CCDC86: variants seen among roughly 807,000 people sequenced by gnomAD.
The protein encoded by CCDC86 is coiled-coil domain-containing protein 86.
A neutral mutation model predicts 36.7 loss-of-function variants in CCDC86; 28 were observed. The ratio of observed to expected loss-of-function variants is 0.76; its 90% CI spans 0.57 to 1.05. The LOEUF (loss-of-function observed/expected upper bound fraction) is 1.05. Ranked by LOEUF, CCDC86 falls within the 50% of genes least tolerant of loss-of-function variation. The pLI is 0.00. For missense variants in CCDC86, 453 were observed against 470.2 expected (o/e 0.96, Z 0.34); for synonymous variants, 199 against 203.4 (o/e 0.98, Z 0.18).
intron 3 of CCDC86, 36 bp downstream of exon 3, chr11:60,850,050 C>T (rs748045775): frequency 1.7e-5 from 27 of 1,611,290 alleles, no homozygotes; most frequent in Non-Finnish European, 2.2e-5. Flanking sequence ...CCCTTCTGCC[C>T]CACTTGGGGG....
chr11:60,846,559 G>C (rs1256423810), intron 1 of CCDC86, among the ~76,000 whole-genome samples: 1 of 152,006 alleles, frequency 6.6e-6, no homozygotes, highest in East Asian at 1.9e-4. Context: ...TTGATACTTG[G>C]CTTTTTTTTC....
Position 60,842,170 on chromosome 11 carries a change from C to G in CCDC86, c.46C>G (p.Pro16Ala), listed in dbSNP as rs1366691396. The change falls in exon 1 of 4, where the codon CCC becomes GCC. Residue 16 changes from proline (P) to alanine (A), a missense_variant. By Grantham distance (27) the Pro-to-Ala change is conservative. Transcript: ENST00000227520. ...CAGCCGACGGCTGGGAGGCCTAAGG[C>G]CCGAATCCCCCGAGAGCCTCACCTC... is the stretch of plus-strand genomic sequence containing the variant. Reference protein sequence around the residue: ...RRSRRLGGLRPESPESLTSVS... With the variant: ...RRSRRLGGLRAESPESLTSVS... 6.2e-7 allele frequency: 1 copy of G among 1,609,188 alleles called. No homozygotes were observed. Among genetic ancestry groups the G allele is most frequent in the East Asian group, 2.2e-5 (1 of 44,838 alleles).
At chr11:60,846,243 A>G (rs1424328137) in intron 1 of CCDC86, among the ~76,000 whole-genome samples, 6 of 152,238 alleles carry the variant, frequency 3.9e-5, no homozygotes, top group Admixed American at 3.3e-4. Context: ...GGGGAAGTCC[A>G]TGTGGCACCC....
Position 60,850,277 on chromosome 11 carries a change from G to A in CCDC86, c.1035G>A (p.Leu345=). 2 of 1,614,170 alleles carry A rather than the reference G, an allele frequency of 1.2e-6. No homozygotes were observed. The highest frequency in any genetic ancestry group is 1.7e-6 in the Non-Finnish European group (2 of 1,180,002). ...GCTCCATTGAGAAGCGGGACACCCT[G>A]GCCCTGCTGCAGAAGCAGCCGCCCC... ...QLRSIEKRDT[L]ALLQKQPPQQ... The change falls in exon 4 of 4, where the codon CTG becomes CTA. Residue 345 remains leucine (L), a synonymous_variant. Coordinates refer to ENST00000227520, the MANE Select transcript of CCDC86 (RefSeq NM_024098.4).
At position 60,850,251 on chromosome 11, in the gene CCDC86, C is replaced by T. The variant is rs771726549; in HGVS notation, c.1009C>T (p.Arg337Cys). The change falls in exon 4 of 4, where the codon CGC becomes TGC. Residue 337 changes from arginine to cysteine, a missense_variant. Physicochemically the swap from Arg to Cys is radical, Grantham distance 180. Coordinates refer to ENST00000227520, the MANE Select transcript of CCDC86 (RefSeq NM_024098.4). Reference sequence around the variant, plus strand: ...CAAGCGGGCAAAGAAGAAGCAGCTGCGCTCCATTGAGAAGCGGGACACCCT... The same window carrying T: ...CAAGCGGGCAAAGAAGAAGCAGCTGTGCTCCATTGAGAAGCGGGACACCCT... ...KLKRAKKKQL[R>C]SIEKRDTLAL... 28 of 1,614,218 alleles carry T rather than the reference C, an allele frequency of 1.7e-5. No homozygotes were observed. The highest frequency in any genetic ancestry group is 2.2e-5 in the East Asian group (1 of 44,872).
intron 1 of CCDC86, 162 bp from the exon 2 acceptor site, chr11:60,847,762 C>G: frequency 1.1e-6 from 1 of 918,192 alleles, no homozygotes; most frequent in Non-Finnish European, 1.6e-6. Context: ...TCCCTCCCGC[C>G]CCAAGTTTCT....
In CCDC86 at chr11:60,842,569, G is replaced by GC. The variant is rs756540892; in HGVS notation, c.451dup (p.Gln151ProfsTer44). On this transcript the variant is annotated frameshift_variant, in exon 1 of 4. Transcript: ENST00000227520. LOFTEE classifies it high-confidence loss of function. ...GAATAAGGAGGAGCTGACCCCGGGG[G>GC]CCCCCCAGCATCAGCTACCGCCGGT... 21 of 1,612,776 alleles carry GC rather than the reference G, an allele frequency of 1.3e-5. No homozygotes were observed. Among genetic ancestry groups the GC allele is most frequent in the Non-Finnish European group, 1.4e-5 (16 of 1,179,734 alleles).
At position 60,842,178 on chromosome 11, in the gene CCDC86, C is replaced by T. The variant is rs765841396; in HGVS notation, c.54C>T (p.Ser18=). Residue 18 remains serine, a synonymous_variant, in exon 1 of 4, where the codon TCC becomes TCT. Coordinates refer to ENST00000227520, the MANE Select transcript of CCDC86 (RefSeq NM_024098.4). Reference sequence around the variant, plus strand: ...GGCTGGGAGGCCTAAGGCCCGAATCCCCCGAGAGCCTCACCTCAGTTTCGC... The same window carrying T: ...GGCTGGGAGGCCTAAGGCCCGAATCTCCCGAGAGCCTCACCTCAGTTTCGC... ...SRRLGGLRPE[S]PESLTSVSRT... 5 of 1,610,632 alleles carry T rather than the reference C, an allele frequency of 3.1e-6. No homozygotes were observed. The African/African-American group carries it at 5.3e-5, about 17-fold the overall frequency.
Position 60,847,929 on chromosome 11 carries a change from C to G in CCDC86, c.764C>G (p.Ser255Cys). The G allele has an allele frequency of 1.9e-6, 3 of 1,611,426 alleles. No individual in the cohort carries two copies. The highest frequency in any genetic ancestry group is 1.7e-6 in the Non-Finnish European group (2 of 1,178,404). The change falls in exon 2 of 4, where the codon TCC becomes TGC. Residue 255 changes from serine to cysteine, a missense_variant. Coordinates refer to ENST00000227520, the MANE Select transcript of CCDC86 (RefSeq NM_024098.4). ...VWKDRSKKRFSQMLQDKPLRT... is the reference protein window; with the variant it reads ...VWKDRSKKRFCQMLQDKPLRT... ...ACCCACTCTCCCCCTTTCAGATTCT[C>G]CCAGATGCTTCAGGACAAGCCCCTG...
At chr11:60,847,058 G>A (rs1237593351) in intron 1 of CCDC86, among the ~76,000 whole-genome samples, 1 of 151,846 alleles carries the variant, frequency 6.6e-6, no homozygotes, top group East Asian at 1.9e-4. Flanking sequence ...CTCCAACTGG[G>A]GGAAGAGATT....
intron 2 of CCDC86, among the ~76,000 whole-genome samples, chr11:60,849,318 G>T (rs1002750228): frequency 6.6e-6 from 1 of 152,214 alleles, no homozygotes; most frequent in Non-Finnish European, 1.5e-5. Context: ...TATCTTACGA[G>T]GTAGATACTG....
rs1855142423 is a variant in CCDC86, at chr11:60,842,898, G to A, written c.758+16G>A. ...CCAAGAAAAGGTGAAGTGGGGGACA[G>A]CATGGACAGGGGTGGCGTTCTCTAT... On this transcript the variant is annotated intron_variant, in intron 1 of 3. Coordinates refer to ENST00000227520, the MANE Select transcript of CCDC86 (RefSeq NM_024098.4). 2 of 1,546,094 alleles carry A rather than the reference G, an allele frequency of 1.3e-6. No homozygotes were observed. The highest frequency in any genetic ancestry group is 1.3e-5 in the South Asian group (1 of 79,678).
Position 60,848,065 on chromosome 11 carries a change from G to C in CCDC86, c.888+12G>C, listed in dbSNP as rs941233731. On this transcript the variant is annotated intron_variant, in intron 2 of 3. Transcript: ENST00000227520. The stretch of plus-strand genomic sequence containing the variant: ...AGAGGCGCCGCCAGGTGAGGGGCCA[G>C]CCAGGCTGAGGCTGGGGCTCAGAGG... The C allele has an allele frequency of 8.7e-6, 14 of 1,610,800 alleles. No homozygotes were observed. The Admixed American group carries it at 1.3e-4, about 15-fold the overall frequency.
chr11:60,845,905 G>C (rs1390030800), intron 1 of CCDC86, among the ~76,000 whole-genome samples: 2 of 152,168 alleles, frequency 1.3e-5, no homozygotes, highest in Non-Finnish European at 2.9e-5. Context: ...CAATGGTCTG[G>C]AACTGCCCTG....
intron 1 of CCDC86, among the ~76,000 whole-genome samples, chr11:60,845,093 G>C (rs1364307831): frequency 6.6e-6 from 1 of 152,226 alleles, no homozygotes; most frequent in Non-Finnish European, 1.5e-5. Flanking sequence ...CTGAGCAGAG[G>C]GAGCCGGGCA....
chr11:60,847,746 C>A, intron 1 of CCDC86, 178 bp from the exon 2 acceptor site: 1 of 694,274 alleles, frequency 1.4e-6, no homozygotes, highest in Non-Finnish European at 2.3e-6. Flanking sequence ...CCAGCACGAT[C>A]AGGGTTCCCT....
chr11:60,845,458 CA>C (rs1855171016), intron 1 of CCDC86, among the ~76,000 whole-genome samples: 1 of 152,222 alleles, frequency 6.6e-6, no homozygotes, highest in Admixed American at 6.5e-5. Flanking sequence ...TCCGAAGCTG[CA>C]GGCAAGTCTG....
chr11:60,848,103 T>G, intron 2 of CCDC86, 50 bp downstream of exon 2: 2 of 1,599,706 alleles, frequency 1.3e-6, no homozygotes, highest in Non-Finnish European at 1.7e-6. Flanking sequence ...TAAGCTAGTG[T>G]CTACTGGTAC....
In CCDC86 at chr11:60,847,955, C is replaced by T. The variant is rs1031629655; in HGVS notation, c.790C>T (p.Arg264Cys). ...FSQMLQDKPL[R>C]TSWQRKMKER... is the part of the protein sequence containing the mutation. ...CCAGATGCTTCAGGACAAGCCCCTG[C>T]GCACATCGTGGCAGCGGAAGATGAA... Residue 264 changes from arginine to cysteine, a missense_variant, in exon 2 of 4, where the codon CGC (arginine) becomes TGC (cysteine). Arg to Cys is a radical substitution (Grantham distance 180). Transcript: ENST00000227520. The T allele has an allele frequency of 1.4e-5, 22 of 1,612,938 alleles. No homozygotes were observed. Among genetic ancestry groups the T allele is most frequent in the Admixed American group, 5.0e-5 (3 of 59,948 alleles).
Sources: gnomAD v4.1 joint callset for allele counts (sites outside exome capture counted in the v4.1 genomes callset) on GRCh38, gnomAD v4.1.1 for gene constraint, MANE v1.5 for transcripts, NCBI Gene and HGNC (gene_info 2026-07-23, HGNC 2026-07-21) for gene names.